GMPS: variants seen among roughly 807,000 people sequenced by gnomAD.
GMPS encodes guanosine monophosphate synthase.
Under a neutral mutation model 77.9 loss-of-function variants are expected in GMPS, and 15 were observed. The observed-to-expected ratio is 0.19, with a 90% CI of 0.13 to 0.30. The LOEUF is 0.30. Ranked by LOEUF, GMPS falls within the 10% of genes least tolerant of loss-of-function variation. The probability of loss-of-function intolerance (pLI) is 1.00; values close to 1 mark genes in which losing one functional copy is unlikely to be tolerated. For missense variants in GMPS, 590 were observed against 838.8 expected, an observed-to-expected ratio of 0.70 and a Z score of 3.66; for synonymous variants, 224 against 275.9, an observed-to-expected ratio of 0.81 and a Z score of 1.86.
Position 155,938,706 on chromosome 3 carries a change from C to T in GMPS, c.*1014C>T, listed in dbSNP as rs1755821073. ...TAATCTATAGACATATTATTCATTG[C>T]TCAGACACCTGTGAACAGTCTTGAT... On this transcript the variant is annotated 3_prime_UTR_variant, in exon 16 of 16. Transcript: ENST00000496455. The T allele has an allele frequency of 4.9e-6, 1 of 203,172 alleles. No homozygotes were observed. Among genetic ancestry groups the T allele is most frequent in the Admixed American group, 6.0e-5 (1 of 16,692 alleles). The allele number at this position is 203,172 out of a possible 1,614,324, so 12.6% of individuals were successfully genotyped here. A position where few individuals can be genotyped will look rare whatever the true frequency, so the allele number is the denominator to read the frequency against.
chr3:155,934,199 C>T (rs1305471236), intron 13 of GMPS, among the ~76,000 whole-genome samples: 2 of 152,286 alleles, frequency 1.3e-5, no homozygotes. Context: ...GTCATAAAGA[C>T]ACCTATTTTT....
At position 155,870,700 on chromosome 3, in the gene GMPS, G is replaced by A. The variant is rs2108037055; in HGVS notation, c.-171G>A. 7.6e-6 allele frequency: 4 copies of A among 527,480 alleles called. No homozygotes were observed. The highest frequency in any genetic ancestry group is 3.5e-5 in the East Asian group (1 of 28,480). 32.7% of individuals were successfully genotyped at this position (527,480 alleles called of 1,614,324 possible). On this transcript the variant is annotated 5_prime_UTR_variant, in exon 1 of 16. Transcript: ENST00000496455. ...CCCGCGGCGCTGGGGCCCGCGCTCC[G>A]CTGCTGTTGCTCCATTCGGCGCTTT... is the stretch of plus-strand genomic sequence containing the variant.
At chr3:155,888,175 T>G (rs1248973380) in intron 1 of GMPS, among the ~76,000 whole-genome samples, 5 of 151,240 alleles carry the variant, frequency 3.3e-5, no homozygotes, top group Non-Finnish European at 7.4e-5. Flanking sequence ...GCCTAAAAAA[T>G]TATGTGTGCT....
chr3:155,943,799 G>T lies in GMPS; in HGVS notation c.*6107G>T, dbSNP rs1755950372. ...CCAAGAAGTAAGAGCCAAGAGGACA[G>T]ATATTATCAGAATATGGGACATAAG... is the stretch of plus-strand genomic sequence containing the variant. On this transcript the variant is annotated 3_prime_UTR_variant, in exon 16 of 16. Coordinates refer to ENST00000496455, the MANE Select transcript of GMPS (RefSeq NM_003875.3). 1 of 156,708 alleles carries T rather than the reference G, an allele frequency of 6.4e-6. No homozygotes were observed. The highest frequency in any genetic ancestry group is 2.4e-5 in the African/African-American group (1 of 41,566). 9.7% of individuals were successfully genotyped at this position (156,708 alleles called of 1,614,324 possible).
In GMPS at chr3:155,914,510, G is replaced by A. The variant is rs73011200; in HGVS notation, c.978G>A (p.Thr326=). 3,201 of 1,604,956 alleles carry A rather than the reference G, an allele frequency of 2.0e-3. 65 individuals carry two copies. The African/African-American group carries it at 0.039, about 19-fold the overall frequency. Residue 326 remains threonine (T), a synonymous_variant, in exon 8 of 16, where the codon ACG becomes ACA. Coordinates refer to ENST00000496455, the MANE Select transcript of GMPS (RefSeq NM_003875.3). ...CCCCACGGAAAAGAATTAGCAAAAC[G>A]TTAAATATGACCACAAGTCCTGAAG... The part of the protein sequence containing the change: ...DRTPRKRISK[T]LNMTTSPEEK...
intron 1 of GMPS, among the ~76,000 whole-genome samples, chr3:155,889,576 G>A (rs1436620092): frequency 6.6e-6 from 1 of 152,134 alleles, no homozygotes; most frequent in East Asian, 1.9e-4. Context: ...TGTGGCTGTG[G>A]TAGTTTGTCA....
At chr3:155,896,666 C>T (rs1754610783) in intron 2 of GMPS, among the ~76,000 whole-genome samples, 1 of 151,130 alleles carries the variant, frequency 6.6e-6, no homozygotes, top group Non-Finnish European at 1.5e-5. Context: ...AGCAATCTGC[C>T]CGTCTCTGTT....
Position 155,935,065 on chromosome 3 carries a change from T to A in GMPS, c.1807+19T>A, listed in dbSNP as rs1223329675. On this transcript the variant is annotated intron_variant, in intron 14 of 15. Coordinates refer to ENST00000496455, the MANE Select transcript of GMPS (RefSeq NM_003875.3). ...GAGTCTGGTAAGTTGCTCATGTTTT[T>A]GATTACTACCCTCTGAAACTAGTTT... The A allele has an allele frequency of 6.3e-7, 1 of 1,583,668 alleles. No individual in the cohort carries two copies. The highest frequency in any genetic ancestry group is 8.7e-7 in the Non-Finnish European group (1 of 1,152,426).
At chr3:155,930,326 G>T (rs1218123956) in intron 12 of GMPS, among the ~76,000 whole-genome samples, 2 of 146,684 alleles carry the variant, frequency 1.4e-5, no homozygotes, top group African/African-American at 2.5e-5. Flanking sequence ...GCTGAAACTG[G>T]ATCCCTTCCT....
chr3:155,921,804 A>G (rs1286178150), intron 10 of GMPS, among the ~76,000 whole-genome samples: 1 of 152,044 alleles, frequency 6.6e-6, no homozygotes, highest in African/African-American at 2.4e-5. Flanking sequence ...AAAAAAAGGG[A>G]GATAGGAATG....
At chr3:155,914,188 C>T (rs1179028880) in intron 7 of GMPS, among the ~76,000 whole-genome samples, 1 of 151,996 alleles carries the variant, frequency 6.6e-6, no homozygotes, top group Non-Finnish European at 1.5e-5. Context: ...CCTCGTGATC[C>T]ACCTGTCTCG....
intron 1 of GMPS, among the ~76,000 whole-genome samples, chr3:155,875,217 C>G (rs1033283927): frequency 6.6e-6 from 1 of 150,930 alleles, no homozygotes; most frequent in Non-Finnish European, 1.5e-5. Flanking sequence ...TGTGCCTGGC[C>G]TTAAATCCTG....
At position 155,940,146 on chromosome 3, in the gene GMPS, CT is replaced by C. The variant is rs1460866354; in HGVS notation, c.*2455del. The C allele has an allele frequency of 3.0e-5, 6 of 202,998 alleles. No individual in the cohort carries two copies. The highest frequency in any genetic ancestry group is 6.1e-5 in the Non-Finnish European group (6 of 98,878). 12.6% of individuals were successfully genotyped at this position (202,998 alleles called of 1,614,324 possible). ...CTTACCATCTACCTGGGACACATCT[CT>C]CTTTGATTAAATATATTCTTTTTCT... is the stretch of plus-strand genomic sequence containing the variant. On this transcript the variant is annotated 3_prime_UTR_variant, in exon 16 of 16. Coordinates refer to ENST00000496455, the MANE Select transcript of GMPS (RefSeq NM_003875.3).
rs1755933125 is a variant in GMPS, at chr3:155,943,183, A to AT, written c.*5493dup. ...GAGATGGAGGTTGCAGTGAGCAGAG[A>AT]TTGCGCCACTGCACTCCAGCCTAGG... On this transcript the variant is annotated 3_prime_UTR_variant, in exon 16 of 16. Transcript: ENST00000496455. The AT allele has an allele frequency of 5.6e-6, 1 of 178,228 alleles. No homozygotes were observed. The allele number at this position is 178,228 out of a possible 1,614,324, so 11.0% of individuals were successfully genotyped here. A position where few individuals can be genotyped will look rare whatever the true frequency, so the allele number is the denominator to read the frequency against.
In GMPS at chr3:155,943,326, A is replaced by G. The variant is rs1284365319; in HGVS notation, c.*5634A>G. 1 of 181,352 alleles carries G rather than the reference A, an allele frequency of 5.5e-6. No homozygotes were observed. The highest frequency in any genetic ancestry group is 2.4e-5 in the African/African-American group (1 of 42,462). The allele number at this position is 181,352 out of a possible 1,614,324, so 11.2% of individuals were successfully genotyped here. A position where few individuals can be genotyped will look rare whatever the true frequency, so the allele number is the denominator to read the frequency against. On this transcript the variant is annotated 3_prime_UTR_variant, in exon 16 of 16. Coordinates refer to ENST00000496455, the MANE Select transcript of GMPS (RefSeq NM_003875.3). ...GTTAGCAAAATTATGAAAGTTTAGG[A>G]AATTTGGCTATTGAGTATATTAAGT...
intron 3 of GMPS, among the ~76,000 whole-genome samples, chr3:155,900,552 C>T (rs1754711734): frequency 6.6e-6 from 1 of 152,022 alleles, no homozygotes; most frequent in Non-Finnish European, 1.5e-5. Flanking sequence ...TTAAGGCCTA[C>T]TTATAGTGAA....
At chr3:155,874,314 C>T (rs1753978949) in intron 1 of GMPS, among the ~76,000 whole-genome samples, 1 of 152,136 alleles carries the variant, frequency 6.6e-6, no homozygotes, top group African/African-American at 2.4e-5. Context: ...TAGGTTATAT[C>T]ATACTTGGAT....
At chr3:155,886,744 G>A (rs1392111835) in intron 1 of GMPS, among the ~76,000 whole-genome samples, 1 of 148,902 alleles carries the variant, frequency 6.7e-6, no homozygotes, top group Non-Finnish European at 1.5e-5. Context: ...CTGACCTTGT[G>A]ATCCACCCGC....
chr3:155,932,668 A>G (rs948080445), intron 13 of GMPS, among the ~76,000 whole-genome samples: 1 of 152,194 alleles, frequency 6.6e-6, no homozygotes, highest in African/African-American at 2.4e-5. Flanking sequence ...GGCAGTTAAC[A>G]ACCAAAAAGA....
Sources: allele counts gnomAD v4.1 joint callset (sites outside exome capture counted in the v4.1 genomes callset), GRCh38; gene constraint gnomAD v4.1.1; transcripts MANE v1.5; gene names NCBI Gene and HGNC (gene_info 2026-07-23, HGNC 2026-07-21).